LINGO2: variants seen among roughly 807,000 people sequenced by gnomAD.
The protein encoded by LINGO2 is leucine rich repeat and Ig domain containing 2.
In LINGO2, 14 loss-of-function variants were observed where a neutral mutation model predicts 30.6. That is an observed-to-expected ratio of 0.46 (90% CI 0.30 to 0.72). The LOEUF (loss-of-function observed/expected upper bound fraction) is 0.72. Ranked by LOEUF, LINGO2 falls within the 30% of genes least tolerant of loss-of-function variation. The pLI is 0.07. For missense variants in LINGO2, 729 were observed against 751.7 expected, an observed-to-expected ratio of 0.97 and a Z score of 0.35; for synonymous variants, 317 against 288.5, an observed-to-expected ratio of 1.10 and a Z score of -1.00.
intron 1 of LINGO2, among the ~76,000 whole-genome samples, chr9:28,529,701 C>T (rs1206725949): frequency 6.7e-6 from 1 of 148,604 alleles, no homozygotes; most frequent in East Asian, 2.0e-4. Flanking sequence ...AAAGGTGGAT[C>T]GGGTAGGTTG....
At chr9:28,141,183 T>C (rs1462097808) in intron 4 of LINGO2, among the ~76,000 whole-genome samples, 3 of 152,176 alleles carry the variant, frequency 2.0e-5, no homozygotes, top group Non-Finnish European at 4.4e-5. Context: ...AGTTGGGGAA[T>C]AGAACAGTCC....
chr9:28,696,582 G>A, the LINGO2 span, among the ~76,000 whole-genome samples: 39 of 151,836 alleles, frequency 2.6e-4, no homozygotes, highest in African/African-American at 9.4e-4. Context: ...CAATAATGAA[G>A]CTTATTTTCA....
At chr9:27,940,308 C>A in the LINGO2 span, 1 of 152,046 alleles carries the variant, frequency 6.6e-6, no homozygotes, top group Non-Finnish European at 1.5e-5. Flanking sequence ...CTGTAATAAG[C>A]GATCTCCTTC....
chr9:29,212,279 G>A, the LINGO2 span, among the ~76,000 whole-genome samples: 1 of 151,886 alleles, frequency 6.6e-6, no homozygotes. Flanking sequence ...CACCCCGCGA[G>A]CACGCTGGCT....
At chr9:28,003,679 T>A (rs574478974) in intron 5 of LINGO2, among the ~76,000 whole-genome samples, 1 of 152,196 alleles carries the variant, frequency 6.6e-6, no homozygotes, top group Admixed American at 6.5e-5. Flanking sequence ...GCCAGGATGG[T>A]CTCGATCTCC....
intron 2 of LINGO2, among the ~76,000 whole-genome samples, chr9:28,390,882 A>G (rs927934009): frequency 1.8e-4 from 27 of 152,190 alleles, no homozygotes; most frequent in African/African-American, 5.8e-4. Context: ...TCATTGAAAA[A>G]GCGTCTATCT....
chr9:28,893,170 A>T, the LINGO2 span, among the ~76,000 whole-genome samples: 3 of 151,898 alleles, frequency 2.0e-5, no homozygotes, highest in African/African-American at 7.2e-5. Context: ...ACAGTTTAAC[A>T]TTAATCTCCC....
chr9:28,092,780 G>A lies in LINGO2; in HGVS notation c.-86-80375C>T, dbSNP rs533880694. 2.4e-4 allele frequency among the ~76,000 whole-genome samples: 37 copies of A among 152,004 alleles called. 1 individual carries two copies. Among genetic ancestry groups the A allele is most frequent in the Admixed American group, 1.6e-3 (24 of 15,222 alleles). On this transcript the variant is annotated intron_variant, in intron 4 of 5. Transcript: ENST00000379992. The stretch of plus-strand genomic sequence containing the variant: ...TTTTCACTATCCAAAACCAAGCAGC[G>A]TCTTTCCTTACTTGTATGATCAATA...
At chr9:28,100,454 A>C (rs1826380301) in intron 4 of LINGO2, among the ~76,000 whole-genome samples, 1 of 152,190 alleles carries the variant, frequency 6.6e-6, no homozygotes, top group Non-Finnish European at 1.5e-5. Context: ...GGAGATTTGA[A>C]CAATGTTATG....
intron 4 of LINGO2, among the ~76,000 whole-genome samples, chr9:28,237,680 C>T (rs987641335): frequency 6.6e-6 from 1 of 152,010 alleles, no homozygotes; most frequent in Admixed American, 6.6e-5. Context: ...TGGCAAAACC[C>T]CAGCTCTACT....
intron 4 of LINGO2, among the ~76,000 whole-genome samples, chr9:28,089,434 T>C (rs1041743427): frequency 6.6e-6 from 1 of 152,132 alleles, no homozygotes; most frequent in Non-Finnish European, 1.5e-5. Flanking sequence ...CTCAACTACA[T>C]GGAAACTGAA....
chr9:28,511,674 T>C (rs954246579), intron 1 of LINGO2, among the ~76,000 whole-genome samples: 1 of 152,154 alleles, frequency 6.6e-6, no homozygotes, highest in Non-Finnish European at 1.5e-5. Context: ...TTCACATACC[T>C]CTTCCCCAAA....
the LINGO2 span, among the ~76,000 whole-genome samples, chr9:28,969,525 T>A: frequency 4.6e-5 from 7 of 152,320 alleles, no homozygotes; most frequent in East Asian, 1.3e-3. Context: ...GTTTGAAATT[T>A]AAAAGACGAC....
At chr9:28,873,332 T>C in the LINGO2 span, among the ~76,000 whole-genome samples, 6 of 141,950 alleles carry the variant, frequency 4.2e-5, no homozygotes, top group Non-Finnish European at 9.0e-5. Flanking sequence ...CTCATGCCAC[T>C]ACACCATTGC....
rs576147763 is a variant in LINGO2 at position 27,987,434 on chromosome 9, C to T, written c.-36+24921G>A. ...AGAATATAGGTATGTGTCACTGTGC[C>T]TGGCTGACTTTAAAAGCTAGTTGCT... On this transcript the variant is annotated intron_variant, in intron 5 of 5. Transcript: ENST00000379992. Among the ~76,000 whole-genome samples, 3 of 151,832 alleles carry T rather than the reference C, an allele frequency of 2.0e-5. No homozygotes were observed. In the East Asian group the frequency reaches 5.8e-4, roughly 30 times the overall value.
At chr9:28,891,332 A>G in the LINGO2 span, among the ~76,000 whole-genome samples, 1 of 151,996 alleles carries the variant, frequency 6.6e-6, no homozygotes, top group Non-Finnish European at 1.5e-5. Context: ...AGTAGTACCT[A>G]TCTCATAGTA....
At chr9:28,002,858 GGT>G (rs1822033169) in intron 5 of LINGO2, among the ~76,000 whole-genome samples, 1 of 152,052 alleles carries the variant, frequency 6.6e-6, no homozygotes, top group Non-Finnish European at 1.5e-5. Context: ...TAGCTGCGTT[GGT>G]GTGTTTCAAT....
At chr9:28,861,538 G>A in the LINGO2 span, among the ~76,000 whole-genome samples, 1 of 149,778 alleles carries the variant, frequency 6.7e-6, no homozygotes, top group Non-Finnish European at 1.5e-5. Flanking sequence ...ACTCATAACT[G>A]CACTCAAGCA....
chr9:28,548,242 T>A (rs529265522), intron 1 of LINGO2, among the ~76,000 whole-genome samples: 1 of 152,272 alleles, frequency 6.6e-6, no homozygotes, highest in South Asian at 2.1e-4. Flanking sequence ...TCTAAGGGAC[T>A]GTTACGTAGG....
Sources: allele counts gnomAD v4.1 joint callset (sites outside exome capture counted in the v4.1 genomes callset), GRCh38; gene constraint gnomAD v4.1.1; transcripts MANE v1.5; gene names NCBI Gene and HGNC (gene_info 2026-07-23, HGNC 2026-07-21).